The following GPC1 variants were observed in gnomAD, a reference collection of about 807,000 sequenced individuals.
GPC1 encodes the protein glypican-1.
Under a neutral mutation model 51.5 loss-of-function variants are expected in GPC1, and 26 were observed. That is an observed-to-expected ratio of 0.50 (90% CI 0.37 to 0.70). The LOEUF (loss-of-function observed/expected upper bound fraction) is 0.70, where lower values mean the gene tolerates loss of function less well. Ranked by LOEUF, GPC1 falls within the 30% of genes least tolerant of loss-of-function variation. The probability of loss-of-function intolerance (pLI) is 0.00; values close to 1 mark genes in which losing one functional copy is unlikely to be tolerated. For synonymous variants in GPC1, 380 were observed against 348.3 expected (o/e 1.09, Z -1.01); for missense variants, 775 against 800.5 (o/e 0.97, Z 0.38).
At chr2:240,455,391 GCCCGGTGACCTTGACCTGAGCAGC>G (rs1238861120) in intron 1 of GPC1, among the ~76,000 whole-genome samples, 1 of 152,212 alleles carries the variant, frequency 6.6e-6, no homozygotes. Flanking sequence ...CGGGGAGCAG[GCCCGGTGACCTTGACCTGAGCAGC>G]CCCAGGGCCA....
chr2:240,442,866 G>A (rs942234076), intron 1 of GPC1, among the ~76,000 whole-genome samples: 1 of 152,232 alleles, frequency 6.6e-6, no homozygotes, highest in Non-Finnish European at 1.5e-5. Context: ...CAGCACAGAT[G>A]TGCCCGAGAC....
At chr2:240,443,164 T>C (rs1473579828) in intron 1 of GPC1, among the ~76,000 whole-genome samples, 1 of 152,244 alleles carries the variant, frequency 6.6e-6, no homozygotes, top group East Asian at 1.9e-4. Flanking sequence ...TGGGGGGCAG[T>C]GGCCAGGCTG....
At chr2:240,438,916 A>C (rs1262681487) in intron 1 of GPC1, among the ~76,000 whole-genome samples, 1 of 152,116 alleles carries the variant, frequency 6.6e-6, no homozygotes, top group Non-Finnish European at 1.5e-5. Context: ...CCTTTATGCC[A>C]GGGCACGGCA....
At chr2:240,451,237 G>C (rs1177804173) in intron 1 of GPC1, 1 of 471,062 alleles carries the variant, frequency 2.1e-6, no homozygotes, top group African/African-American at 2.0e-5. Context: ...TCTCTGCCTG[G>C]TTGGCATTCA....
At chr2:240,462,687 G>A (rs2151796472) in intron 3 of GPC1, 105 bp downstream of exon 3, 2 of 1,100,430 alleles carry the variant, frequency 1.8e-6, no homozygotes, top group East Asian at 2.5e-5. Flanking sequence ...CTGGGCCTCT[G>A]GGCCAGCCTC....
chr2:240,458,216 C>T (rs967123172), intron 1 of GPC1: 4 of 395,394 alleles, frequency 1.0e-5, no homozygotes, highest in Non-Finnish European at 2.2e-5. Context: ...CCTGATGCCA[C>T]ACACCCATTC....
At chr2:240,449,145 C>G (rs1027093130) in intron 1 of GPC1, among the ~76,000 whole-genome samples, 4 of 152,210 alleles carry the variant, frequency 2.6e-5, no homozygotes, top group Non-Finnish European at 4.4e-5. Flanking sequence ...TCCAAGGAGG[C>G]TGGGGACAGT....
chr2:240,462,156 A>T (rs539645563), intron 2 of GPC1, 35 bp from the exon 3 acceptor site: 1 of 1,520,116 alleles, frequency 6.6e-7, no homozygotes, highest in African/African-American at 1.4e-5. Context: ...GGCGGGGGAA[A>T]CATGGTCCCG....
intron 1 of GPC1, among the ~76,000 whole-genome samples, chr2:240,445,348 C>T (rs2074042432): frequency 6.6e-6 from 1 of 152,166 alleles, no homozygotes; most frequent in African/African-American, 2.4e-5. Flanking sequence ...TGTGACATCC[C>T]AGTGATTGAG....
In GPC1 at chr2:240,463,665, G is replaced by A. The variant is rs1048223663; in HGVS notation, c.883+153G>A. 4.7e-6 allele frequency: 3 copies of A among 636,360 alleles called. No homozygotes were observed. The African/African-American group carries it at 5.5e-5, about 12-fold the overall frequency. 39.4% of individuals were successfully genotyped at this position (636,360 alleles called of 1,614,324 possible). ...GGCCAGATCTGGGTGGTGCTGCAGGGTTGAGGGGCCAGGGTGCCTTTTGAA... is the reference window on the plus strand; with the variant it reads ...GGCCAGATCTGGGTGGTGCTGCAGGATTGAGGGGCCAGGGTGCCTTTTGAA... On this transcript the variant is annotated intron_variant, in intron 4 of 8. Transcript: ENST00000264039.
At chr2:240,457,470 G>A (rs778262502) in intron 1 of GPC1, 1 of 470,440 alleles carries the variant, frequency 2.1e-6, no homozygotes, top group African/African-American at 2.0e-5. Context: ...CAACCTCTGG[G>A]TAGTTACCTA....
chr2:240,442,678 C>T (rs146709330), intron 1 of GPC1, among the ~76,000 whole-genome samples: 108 of 152,348 alleles, frequency 7.1e-4, no homozygotes, highest in African/African-American at 2.5e-3. Flanking sequence ...CCTGAGGAAT[C>T]GGGGTTAGGC....
At chr2:240,436,347 C>T (rs979548421) in intron 1 of GPC1, among the ~76,000 whole-genome samples, 1 of 152,132 alleles carries the variant, frequency 6.6e-6, no homozygotes, top group East Asian at 1.9e-4. Flanking sequence ...CGCACGCCGG[C>T]TTCTTCCCTG....
In GPC1 at chr2:240,466,408, G is replaced by A; in HGVS notation, c.*118G>A. The A allele has an allele frequency of 2.0e-5, 13 of 641,838 alleles. No individual in the cohort carries two copies. In the South Asian group the frequency reaches 2.5e-4, roughly 13 times the overall value. 39.8% of individuals were successfully genotyped at this position (641,838 alleles called of 1,614,324 possible). The stretch of plus-strand genomic sequence containing the variant: ...TGGGGTGGGACAGGGAGGGCCGGCG[G>A]CTCTGAGCAGGGGCAGGCGCAGAGG... On this transcript the variant is annotated 3_prime_UTR_variant, in exon 9 of 9. Coordinates refer to ENST00000264039, the MANE Select transcript of GPC1 (RefSeq NM_002081.3).
intron 1 of GPC1, among the ~76,000 whole-genome samples, chr2:240,441,845 G>A (rs1221985989): frequency 6.6e-6 from 1 of 152,222 alleles, no homozygotes; most frequent in Non-Finnish European, 1.5e-5. Context: ...GCGGGAGCAC[G>A]CAGCAGCCAG....
chr2:240,465,013 G>T (rs1183186521), intron 6 of GPC1, 38 bp downstream of exon 6: 1 of 1,574,152 alleles, frequency 6.4e-7, no homozygotes, highest in Non-Finnish European at 8.6e-7. Context: ...CCAGGCATGA[G>T]GGAGGCAGAC....
At chr2:240,463,809 A>C in intron 4 of GPC1, 1 of 461,584 alleles carries the variant, frequency 2.2e-6, no homozygotes, top group Non-Finnish European at 3.9e-6. Context: ...AACACGTGTG[A>C]CTCATCGAGG....
chr2:240,448,109 T>G lies in GPC1; in HGVS notation c.167-10921T>G, dbSNP rs1186585772. On this transcript the variant is annotated intron_variant, in intron 1 of 8. Coordinates refer to ENST00000264039, the MANE Select transcript of GPC1 (RefSeq NM_002081.3). The surrounding 1 kb of genome is among the most constrained non-coding windows in gnomAD (Gnocchi z 4.5). Reference sequence around the variant, plus strand: ...AGCCCGCCTTGAGGGTGGCAGCTGGTTTTCAGGAAGAGAGTCAAGGGTGGA... The same window carrying G: ...AGCCCGCCTTGAGGGTGGCAGCTGGGTTTCAGGAAGAGAGTCAAGGGTGGA... Among the ~76,000 whole-genome samples, 2 of 151,692 alleles carry G rather than the reference T, an allele frequency of 1.3e-5. No homozygotes were observed. Among genetic ancestry groups the G allele is most frequent in the East Asian group, 3.9e-4 (2 of 5,156 alleles).
intron 1 of GPC1, among the ~76,000 whole-genome samples, chr2:240,445,697 C>T (rs1036176876): frequency 2.6e-5 from 4 of 152,182 alleles, no homozygotes; most frequent in South Asian, 2.1e-4. Context: ...ACATCTCCAT[C>T]GTTGCTAACC....
Sources: gnomAD v4.1 joint callset for allele counts (sites outside exome capture counted in the v4.1 genomes callset) on GRCh38, gnomAD v4.1.1 for gene constraint, Gnocchi (gnomAD v3.1) non-coding constraint, MANE v1.5 for transcripts, NCBI Gene and HGNC (gene_info 2026-07-23, HGNC 2026-07-21) for gene names.